TRAPPC10: variants seen among roughly 807,000 people sequenced by gnomAD.
The protein encoded by TRAPPC10 is trafficking protein particle complex subunit 10.
In TRAPPC10, 23 loss-of-function variants were observed where a neutral mutation model predicts 125.5. That is an observed-to-expected ratio of 0.18 (90% confidence interval 0.13 to 0.26). TRAPPC10 has a LOEUF of 0.26. Ranked by LOEUF, TRAPPC10 falls within the 10% of genes least tolerant of loss-of-function variation. The pLI is 1.00. For missense variants in TRAPPC10, 1,123 were observed against 1,308.4 expected (o/e 0.86, Z 2.19); for synonymous variants, 509 against 518.0 (o/e 0.98, Z 0.24).
rs192425521 is a variant in TRAPPC10, at chr21:44,092,111, A to G, written c.2997+62A>G. The G allele has an allele frequency of 6.0e-4, 956 of 1,595,312 alleles. 9 individuals are homozygous for G. In the Middle Eastern group the frequency reaches 8.6e-3, roughly 14 times the overall value. ...CAGAGAACCAGAGTGTACGGAAATG[A>G]TGTAGTATGTGTTGCGACTGAGCCT... On this transcript the variant is annotated intron_variant, in intron 19 of 22. Transcript: ENST00000291574.
At chr21:44,069,146 T>C (rs994693144) in intron 7 of TRAPPC10, among the ~76,000 whole-genome samples, 5 of 152,200 alleles carry the variant, frequency 3.3e-5, no homozygotes, top group Admixed American at 3.3e-4. Context: ...TTTATGGTTA[T>C]GCACCAGCCG....
At chr21:44,032,024 C>T in intron 1 of TRAPPC10, 67 bp from the exon 2 acceptor site, 2 of 1,310,674 alleles carry the variant, frequency 1.5e-6, no homozygotes, top group Non-Finnish European at 2.2e-6. Flanking sequence ...ATTTATTAAG[C>T]TCTAGAGCCA....
chr21:44,067,302 G>C (rs1003311351), intron 7 of TRAPPC10, among the ~76,000 whole-genome samples: 1 of 152,208 alleles, frequency 6.6e-6, no homozygotes, highest in Admixed American at 6.5e-5. Context: ...GGTATTCTGA[G>C]GTGCAGGCCT....
intron 11 of TRAPPC10, among the ~76,000 whole-genome samples, chr21:44,079,111 C>A (rs889238147): frequency 5.9e-5 from 9 of 152,158 alleles, no homozygotes; most frequent in African/African-American, 2.2e-4. Flanking sequence ...TTCTGTGTTT[C>A]TGTGCCTTTA....
intron 1 of TRAPPC10, among the ~76,000 whole-genome samples, chr21:44,020,659 A>G (rs1177187085): frequency 6.6e-6 from 1 of 152,112 alleles, no homozygotes; most frequent in Admixed American, 6.6e-5. Flanking sequence ...AAAAAAAACA[A>G]TTTCAGGGTT....
intron 1 of TRAPPC10, among the ~76,000 whole-genome samples, chr21:44,030,496 T>A (rs922267899): frequency 6.6e-6 from 1 of 152,134 alleles, no homozygotes. Flanking sequence ...AGATGGAGTT[T>A]CGCTCTTGTT....
chr21:44,034,811 G>A (rs1443318994), intron 2 of TRAPPC10, among the ~76,000 whole-genome samples: 1 of 152,196 alleles, frequency 6.6e-6, no homozygotes, highest in African/African-American at 2.4e-5. Flanking sequence ...AGAAGACCTT[G>A]TGAAGATGGA....
At chr21:44,079,893 C>A in intron 12 of TRAPPC10, 122 bp from the exon 13 acceptor site, 1 of 1,068,974 alleles carries the variant, frequency 9.4e-7, no homozygotes, top group Non-Finnish European at 1.3e-6. Flanking sequence ...GCCCTAGTAA[C>A]TTAAAAAAAA....
chr21:44,040,587 C>T (rs1231268640), intron 3 of TRAPPC10, among the ~76,000 whole-genome samples: 1 of 152,068 alleles, frequency 6.6e-6, no homozygotes, highest in Non-Finnish European at 1.5e-5. Flanking sequence ...ATCCACCTGC[C>T]TCCACCTCCC....
At chr21:44,016,097 C>T (rs557063345) in intron 1 of TRAPPC10, among the ~76,000 whole-genome samples, 15 of 152,234 alleles carry the variant, frequency 9.9e-5, no homozygotes, top group African/African-American at 3.1e-4. Context: ...AATGCTTTGA[C>T]GGGGTTGGGT....
At position 44,084,358 on chromosome 21, in the gene TRAPPC10, G is replaced by A. The variant is rs180691610; in HGVS notation, c.2380+95G>A. The stretch of plus-strand genomic sequence containing the variant: ...CAGGCTTCTCATAAGTTTTAGCTGT[G>A]TCTGCCTTTAAGAGATATTTTGGGT... On this transcript the variant is annotated intron_variant, in intron 15 of 22. Coordinates refer to ENST00000291574, the MANE Select transcript of TRAPPC10 (RefSeq NM_003274.5). The A allele has an allele frequency of 3.3e-3, 4,277 of 1,298,426 alleles. 11 individuals carry two copies. Among genetic ancestry groups the A allele is most frequent in the Non-Finnish European group, 4.1e-3 (3,979 of 966,886 alleles). The allele number at this position is 1,298,426 out of a possible 1,614,324, so 80.4% of individuals were successfully genotyped here.
chr21:44,075,088 A>T lies in TRAPPC10; in HGVS notation c.1235A>T (p.Asn412Ile), dbSNP rs754325294. ...GGACTTGTGTCAGAGAAAGGACCTA[A>T]CTCAGAAGATCTCAACAGGACAGTT... Reference protein sequence around the residue: ...LCGLVSEKGPNSEDLNRTVDL... With the variant: ...LCGLVSEKGPISEDLNRTVDL... The change falls in exon 9 of 23, where the codon AAC (asparagine) becomes ATC (isoleucine). Residue 412 changes from asparagine to isoleucine, a missense_variant. Coordinates refer to ENST00000291574, the MANE Select transcript of TRAPPC10 (RefSeq NM_003274.5). 9.9e-5 allele frequency: 159 copies of T among 1,614,152 alleles called. 1 individual carries two copies. In the Middle Eastern group the frequency reaches 2.3e-3, roughly 23 times the overall value.
At chr21:44,041,123 A>G (rs1007313070) in intron 3 of TRAPPC10, among the ~76,000 whole-genome samples, 7 of 152,132 alleles carry the variant, frequency 4.6e-5, no homozygotes, top group Non-Finnish European at 1.0e-4. Context: ...TACTTAATTC[A>G]TTAAAATAAT....
intron 9 of TRAPPC10, 55 bp downstream of exon 9, chr21:44,075,208 C>A: frequency 7.5e-7 from 1 of 1,341,834 alleles, no homozygotes; most frequent in Non-Finnish European, 1.1e-6. Context: ...ATGAAAATGT[C>A]CTTTGCAAGT....
At chr21:44,016,271 ATAGACT>A (rs1379751436) in intron 1 of TRAPPC10, among the ~76,000 whole-genome samples, 1 of 152,188 alleles carries the variant, frequency 6.6e-6, no homozygotes, top group Non-Finnish European at 1.5e-5. Context: ...CTGTTTTGAA[ATAGACT>A]TGGGTTTCTG....
chr21:44,044,936 G>A (rs1314420152), intron 3 of TRAPPC10, among the ~76,000 whole-genome samples: 1 of 151,956 alleles, frequency 6.6e-6, no homozygotes, highest in Admixed American at 6.6e-5. Context: ...AAAGTGCTGG[G>A]ATTACAGGTG....
intron 4 of TRAPPC10, 68 bp from the exon 5 acceptor site, chr21:44,055,630 G>A (rs1425447349): frequency 9.4e-6 from 12 of 1,275,740 alleles, no homozygotes; most frequent in Non-Finnish European, 1.3e-5. Flanking sequence ...TCAGGACAAT[G>A]GCAGCTGCTG....
intron 3 of TRAPPC10, among the ~76,000 whole-genome samples, chr21:44,039,650 A>G (rs1263131813): frequency 6.6e-6 from 1 of 152,182 alleles, no homozygotes; most frequent in Non-Finnish European, 1.5e-5. Flanking sequence ...GTGGGTCACA[A>G]GGTCAGGAGT....
At chr21:44,074,245 C>T (rs2037106542) in intron 7 of TRAPPC10, 79 bp from the exon 8 acceptor site, 1 of 1,574,694 alleles carries the variant, frequency 6.4e-7, no homozygotes, top group African/African-American at 1.4e-5. Flanking sequence ...TTTGCACGTT[C>T]AAGCTAGAGC....
Sources: gnomAD v4.1 joint callset for allele counts (sites outside exome capture counted in the v4.1 genomes callset) on GRCh38, gnomAD v4.1.1 for gene constraint, MANE v1.5 for transcripts, NCBI Gene and HGNC (gene_info 2026-07-23, HGNC 2026-07-21) for gene names.